PLXNA4: variants seen among roughly 807,000 people sequenced by gnomAD.
The protein encoded by PLXNA4 is plexin A4.
In PLXNA4, 44 loss-of-function variants were observed where a neutral mutation model predicts 191.8. The observed-to-expected ratio is 0.23, with a 90% confidence interval of 0.18 to 0.29. The LOEUF is 0.29. PLXNA4 is among the 10% of genes least tolerant of loss of function. The probability of loss-of-function intolerance (pLI) is 1.00; values close to 1 mark genes in which losing one functional copy is unlikely to be tolerated. For missense variants in PLXNA4, 1,800 were observed against 2,488.8 expected, an observed-to-expected ratio of 0.72 and a Z score of 5.89; for synonymous variants, 1,082 against 1,009.5, an observed-to-expected ratio of 1.07 and a Z score of -1.36.
At chr7:132,259,116 A>G (rs1204786281) in intron 4 of PLXNA4, among the ~76,000 whole-genome samples, 2 of 152,140 alleles carry the variant, frequency 1.3e-5, no homozygotes, top group African/African-American at 2.4e-5. Flanking sequence ...CTCCATCCCT[A>G]GCAGACAGTA....
intron 3 of PLXNA4, among the ~76,000 whole-genome samples, chr7:132,395,406 T>C (rs1222177756): frequency 1.3e-5 from 2 of 152,214 alleles, no homozygotes; most frequent in Admixed American, 6.5e-5. Flanking sequence ...AAGAAATCAA[T>C]GGAAACCTTG....
intron 3 of PLXNA4, among the ~76,000 whole-genome samples, chr7:132,408,544 A>G (rs1794320083): frequency 6.6e-6 from 1 of 151,790 alleles, no homozygotes; most frequent in Non-Finnish European, 1.5e-5. Context: ...GCTCACTGCA[A>G]ACTCTACCAC....
At chr7:132,488,390 C>T (rs1177506371) in intron 3 of PLXNA4, among the ~76,000 whole-genome samples, 3 of 152,220 alleles carry the variant, frequency 2.0e-5, no homozygotes, top group African/African-American at 7.2e-5. Context: ...GGCTTAGTCT[C>T]AATCTTTACT....
intron 30 of PLXNA4, among the ~76,000 whole-genome samples, chr7:132,134,733 C>T (rs1452354680): frequency 6.6e-6 from 1 of 152,226 alleles, no homozygotes; most frequent in Admixed American, 6.5e-5. Flanking sequence ...CTCAGAGCAG[C>T]CTGGGTGTTC....
At chr7:132,567,929 C>T (rs1801807291) in intron 1 of PLXNA4, among the ~76,000 whole-genome samples, 1 of 152,134 alleles carries the variant, frequency 6.6e-6, no homozygotes, top group Non-Finnish European at 1.5e-5. Context: ...CAGTGATTTG[C>T]TCACATCAAT....
At chr7:132,242,611 C>T (rs924494450) in intron 4 of PLXNA4, among the ~76,000 whole-genome samples, 3 of 152,166 alleles carry the variant, frequency 2.0e-5, no homozygotes, top group South Asian at 2.1e-4. Context: ...GACCACACTG[C>T]GCTTTCACTT....
rs142462665 is a variant in PLXNA4 at position 132,539,304 on chromosome 7, AC to A, written c.-86-30526del. Reference sequence around the variant, plus strand: ...TGTGTGTACATGGGGAGAGGGACAGACCCTCCACCTGTCTTCCCAGAGCTCA... The same window carrying A: ...TGTGTGTACATGGGGAGAGGGACAGACCTCCACCTGTCTTCCCAGAGCTCA... On this transcript the variant is annotated intron_variant, in intron 1 of 31. Transcript: ENST00000321063. Among the ~76,000 whole-genome samples the A allele has an allele frequency of 7.9e-5, 12 of 152,098 alleles. No homozygotes were observed. The East Asian group carries it at 1.5e-3, about 20-fold the overall frequency.
At chr7:132,425,741 A>G (rs1009240940) in intron 3 of PLXNA4, among the ~76,000 whole-genome samples, 32 of 152,358 alleles carry the variant, frequency 2.1e-4, no homozygotes, top group African/African-American at 7.0e-4. Flanking sequence ...CATTTGAGGA[A>G]ACTGAGAGAA....
chr7:132,461,194 G>A (rs1256269889), intron 3 of PLXNA4, among the ~76,000 whole-genome samples: 1 of 152,132 alleles, frequency 6.6e-6, no homozygotes, highest in Non-Finnish European at 1.5e-5. Context: ...GTACAACAAG[G>A]CTTCCCTAAA....
At chr7:132,436,178 C>G (rs1033360847) in intron 3 of PLXNA4, among the ~76,000 whole-genome samples, 1 of 152,232 alleles carries the variant, frequency 6.6e-6, no homozygotes, top group Non-Finnish European at 1.5e-5. Context: ...CTGCATACTC[C>G]AGGCTGCACT....
At chr7:132,191,788 C>CTCTCTCTCTCTCTCTCTCTCTCTT (rs1562910905) in intron 14 of PLXNA4, among the ~76,000 whole-genome samples, 1 of 151,298 alleles carries the variant, frequency 6.6e-6, no homozygotes, top group African/African-American at 2.4e-5. Flanking sequence ...CTCTCTCTCT[C>CTCTCTCTCTCTCTCTCTCTCTCTT]TCTCTCTGTC....
chr7:132,265,440 T>A (rs988311914), intron 4 of PLXNA4, among the ~76,000 whole-genome samples: 17 of 152,250 alleles, frequency 1.1e-4, no homozygotes, highest in Admixed American at 1.1e-3. Flanking sequence ...TATTCATTCA[T>A]TCAATTGAAT....
At chr7:132,274,664 C>T (rs1018028329) in intron 4 of PLXNA4, among the ~76,000 whole-genome samples, 6 of 151,098 alleles carry the variant, frequency 4.0e-5, no homozygotes, top group African/African-American at 1.5e-4. Context: ...TGTAGAATGT[C>T]TGTCAATTTG....
At chr7:132,173,522 G>A (rs1796356559) in intron 21 of PLXNA4, among the ~76,000 whole-genome samples, 1 of 152,186 alleles carries the variant, frequency 6.6e-6, no homozygotes, top group African/African-American at 2.4e-5. Context: ...CCTCCAGATA[G>A]AAAAGCCCAT....
chr7:132,392,972 A>T (rs1793573159), intron 3 of PLXNA4, among the ~76,000 whole-genome samples: 1 of 152,166 alleles, frequency 6.6e-6, no homozygotes. Context: ...GTTGGCACGA[A>T]GGCGCTTCAC....
chr7:132,256,184 A>G (rs1422630264), intron 4 of PLXNA4, among the ~76,000 whole-genome samples: 1 of 152,218 alleles, frequency 6.6e-6, no homozygotes, highest in Non-Finnish European at 1.5e-5. Flanking sequence ...CCCTGCTGTG[A>G]CAGGGACATG....
chr7:132,329,092 G>A (rs757891604), intron 3 of PLXNA4, among the ~76,000 whole-genome samples: 7 of 152,192 alleles, frequency 4.6e-5, no homozygotes, highest in African/African-American at 7.2e-5. Context: ...GAGCTCAACC[G>A]TCTGTGCTTC....
In PLXNA4 at chr7:132,130,338, G is replaced by C. The variant is rs1291959410; in HGVS notation, c.*141C>G. Reference sequence around the variant, plus strand: ...AGGAAGGAGGGAGAAACGGAAAGAGGCAGAGAGAAAGAGAGAGAAACAGCG... The same window carrying C: ...AGGAAGGAGGGAGAAACGGAAAGAGCCAGAGAGAAAGAGAGAGAAACAGCG... On this transcript the variant is annotated 3_prime_UTR_variant, in exon 32 of 32. Transcript: ENST00000321063. 1 of 1,175,424 alleles carries C rather than the reference G, an allele frequency of 8.5e-7. No individual in the cohort carries two copies. Among genetic ancestry groups the C allele is most frequent in the Non-Finnish European group, 1.2e-6 (1 of 828,914 alleles). The allele number at this position is 1,175,424 out of a possible 1,614,324, so 72.8% of individuals were successfully genotyped here. A position where few individuals can be genotyped will look rare whatever the true frequency, so the allele number is the denominator to read the frequency against.
intron 4 of PLXNA4, among the ~76,000 whole-genome samples, chr7:132,292,591 G>A (rs1253245156): frequency 6.6e-6 from 1 of 152,192 alleles, no homozygotes; most frequent in African/African-American, 2.4e-5. Flanking sequence ...ATCACAAACA[G>A]ATGAAGTCCA....
Sources: gnomAD v4.1 joint callset for allele counts (sites outside exome capture counted in the v4.1 genomes callset) on GRCh38, gnomAD v4.1.1 for gene constraint, MANE v1.5 for transcripts, NCBI Gene and HGNC (gene_info 2026-07-23, HGNC 2026-07-21) for gene names.